Variants in PKHD1 observed in about 807,000 individuals in gnomAD.
PKHD1 encodes the protein fibrocystin.
Under a neutral mutation model 412.0 loss-of-function variants are expected in PKHD1, and 291 were observed. That is an observed-to-expected ratio of 0.71 (90% CI 0.64 to 0.78). The LOEUF (loss-of-function observed/expected upper bound fraction) is 0.78. PKHD1 is among the 30% of genes least tolerant of loss of function. The pLI, the probability that PKHD1 is intolerant of heterozygous loss-of-function variation, is 0.00. For synonymous variants in PKHD1, 1,777 were observed against 1,821.5 expected, an observed-to-expected ratio of 0.98 and a Z score of 0.62; for missense variants, 4,825 against 4,950.7, an observed-to-expected ratio of 0.97 and a Z score of 0.76.
chr6:51,882,251 A>AG lies in PKHD1; in HGVS notation c.7350+841dup, dbSNP rs1016463810. On this transcript the variant is annotated intron_variant, in intron 46 of 66. Coordinates refer to ENST00000371117, the MANE Select transcript of PKHD1 (RefSeq NM_138694.4). ...TCTCTCAAGGTGGTAATCCTTTTAGAGGGAAAAAAAAACTGGCACTTATTT... is the reference window on the plus strand; with the variant it reads ...TCTCTCAAGGTGGTAATCCTTTTAGAGGGGAAAAAAAAACTGGCACTTATTT... Among the ~76,000 whole-genome samples the AG allele has an allele frequency of 2.0e-5, 3 of 152,158 alleles. 1 individual carries two copies. The highest frequency in any genetic ancestry group is 7.2e-5 in the African/African-American group (3 of 41,436).
At chr6:51,954,613 T>C (rs1030169814) in intron 36 of PKHD1, among the ~76,000 whole-genome samples, 2 of 152,118 alleles carry the variant, frequency 1.3e-5, no homozygotes, top group Admixed American at 6.6e-5. Flanking sequence ...TTATTGTATA[T>C]ATTTAAGGCA....
At chr6:51,956,994 G>T (rs1791254580) in intron 36 of PKHD1, among the ~76,000 whole-genome samples, 1 of 152,014 alleles carries the variant, frequency 6.6e-6, no homozygotes, top group African/African-American at 2.4e-5. Flanking sequence ...AAAGGAAATG[G>T]ACCATAAACT....
chr6:51,638,051 T>G (rs1179975350), intron 64 of PKHD1, among the ~76,000 whole-genome samples: 1 of 152,230 alleles, frequency 6.6e-6, no homozygotes, highest in East Asian at 1.9e-4. Context: ...CACTTACTAT[T>G]TATTATTTAT....
intron 60 of PKHD1, among the ~76,000 whole-genome samples, chr6:51,681,168 C>G (rs972390231): frequency 2.0e-5 from 3 of 151,988 alleles, no homozygotes; most frequent in Non-Finnish European, 4.4e-5. Context: ...ACTTTTTCCC[C>G]AAGGCAATTT....
intron 65 of PKHD1, among the ~76,000 whole-genome samples, chr6:51,631,219 C>T (rs770261424): frequency 6.6e-6 from 1 of 152,126 alleles, no homozygotes; most frequent in Non-Finnish European, 1.5e-5. Flanking sequence ...ATTCTACTTA[C>T]AAGCAGACAG....
intron 65 of PKHD1, 123 bp from the exon 66 acceptor site, chr6:51,627,239 T>C (rs1442330356): frequency 1.1e-6 from 1 of 888,200 alleles, no homozygotes; most frequent in African/African-American, 1.7e-5. Context: ...ACAGAAAGCA[T>C]ATAACATATT....
In PKHD1 at chr6:51,759,992, A is replaced by G. The variant is rs530579367; in HGVS notation, c.8643-5054T>C. 5.9e-5 allele frequency among the ~76,000 whole-genome samples: 9 copies of G among 152,098 alleles called. No homozygotes were observed. The South Asian group carries it at 1.5e-3, about 25-fold the overall frequency. ...GTAGTGAATTTGGCAATAGAACCCA[A>G]TAGTTTATTGGACCTCTAACATATG... On this transcript the variant is annotated intron_variant, in intron 55 of 66. Transcript: ENST00000371117.
chr6:51,929,970 A>C (rs903001773), intron 37 of PKHD1, among the ~76,000 whole-genome samples: 2 of 152,216 alleles, frequency 1.3e-5, no homozygotes, highest in Non-Finnish European at 1.5e-5. Flanking sequence ...AAATGAAGTG[A>C]GAGACATTGA....
At position 51,830,835 on chromosome 6, in the gene PKHD1, T is replaced by C. The variant is rs755202265; in HGVS notation, c.8302+26A>G. On this transcript the variant is annotated intron_variant, in intron 52 of 66. Transcript: ENST00000371117. The stretch of plus-strand genomic sequence containing the variant: ...CTGGCTGGGTTCAGCCTGTCTGTGA[T>C]TCATCTCTTGGGTAGTTTTACTCAC... 6 of 1,607,600 alleles carry C rather than the reference T, an allele frequency of 3.7e-6. No homozygotes were observed. The Admixed American group carries it at 1.0e-4, about 27-fold the overall frequency.
At chr6:52,042,733 G>T (rs2128181953) in intron 27 of PKHD1, 126 bp downstream of exon 27, 1 of 843,712 alleles carries the variant, frequency 1.2e-6, no homozygotes, top group Non-Finnish European at 1.9e-6. Context: ...AAATACTTAT[G>T]TCAGTAAACA....
At chr6:51,944,295 T>C (rs1295266872) in intron 36 of PKHD1, among the ~76,000 whole-genome samples, 21 of 151,784 alleles carry the variant, frequency 1.4e-4, no homozygotes. Flanking sequence ...CCAAATCTTA[T>C]AAAACGGCCC....
chr6:51,957,968 A>C (rs1791397424), intron 36 of PKHD1, among the ~76,000 whole-genome samples: 1 of 152,054 alleles, frequency 6.6e-6, no homozygotes, highest in Non-Finnish European at 1.5e-5. Context: ...TGCCAGTATT[A>C]TTCTTCATTT....
chr6:52,042,973 T>G lies in PKHD1; in HGVS notation c.2983A>C (p.Ile995Leu), dbSNP rs1562211864. The G allele has an allele frequency of 6.2e-7, 1 of 1,614,026 alleles. No homozygotes were observed. Residue 995 changes from isoleucine (I) to leucine (L), a missense_variant, in exon 27 of 67, where the codon ATC becomes CTC. Physicochemically the swap from Ile to Leu is conservative, Grantham distance 5. Transcript: ENST00000371117. ...CCAGAGGGTCTCACCAACATCAAGA[T>G]CCGATGCATTCCAACAGGTAGCAAA... is the stretch of plus-strand genomic sequence containing the variant. ...TDLLPVGMHRILMLVRPSGLA... is the reference protein window; with the variant it reads ...TDLLPVGMHRLLMLVRPSGLA...
At chr6:52,022,683 A>T in intron 33 of PKHD1, 118 bp downstream of exon 33, 1 of 998,008 alleles carries the variant, frequency 1.0e-6, no homozygotes, top group Non-Finnish European at 1.5e-6. Flanking sequence ...TTCTTTTCCT[A>T]GGCACACATA....
Position 51,659,583 on chromosome 6 carries a change from T to C in PKHD1, c.10543A>G (p.Ile3515Val). 1 of 1,613,710 alleles carries C rather than the reference T, an allele frequency of 6.2e-7. No homozygotes were observed. Among genetic ancestry groups the C allele is most frequent in the Non-Finnish European group, 8.5e-7 (1 of 1,179,854 alleles). ...SPHVFLGESF[I>V]PPTLVQSASL... is the part of the protein sequence containing the mutation. The stretch of plus-strand genomic sequence containing the variant: ...GCTGACTGAACCAGAGTGGGTGGAA[T>C]AAAACTTTCCCCTAAGAAGACGTGG... Residue 3515 changes from isoleucine (I) to valine (V), a missense_variant, in exon 61 of 67, where the codon ATT becomes GTT. Ile to Val is a conservative substitution (Grantham distance 29). Coordinates refer to ENST00000371117, the MANE Select transcript of PKHD1 (RefSeq NM_138694.4).
At chr6:52,053,323 T>C in intron 20 of PKHD1, 72 bp from the exon 21 acceptor site, 4 of 1,497,636 alleles carry the variant, frequency 2.7e-6, no homozygotes, top group Non-Finnish European at 3.7e-6. Flanking sequence ...GAGCCCTTGT[T>C]CCCAACCTGG....
chr6:51,990,218 G>A (rs1441774393), intron 35 of PKHD1, among the ~76,000 whole-genome samples: 1 of 151,628 alleles, frequency 6.6e-6, no homozygotes, highest in Non-Finnish European at 1.5e-5. Context: ...AAAATCATTG[G>A]GAAGGCACTA....
chr6:51,874,572 T>C (rs759668499), intron 46 of PKHD1, among the ~76,000 whole-genome samples: 64 of 152,220 alleles, frequency 4.2e-4, no homozygotes, highest in Non-Finnish European at 9.0e-4. Flanking sequence ...TCACAGATAA[T>C]TGTATGCCAC....
At position 51,659,529 on chromosome 6, in the gene PKHD1, C is replaced by A. The variant is rs746477291; in HGVS notation, c.10597G>T (p.Ala3533Ser). ...TTATCCATGATGTTGAAATAGTTGGCACCAATAGATTCATTCAGCAATAAG... is the reference window on the plus strand; with the variant it reads ...TTATCCATGATGTTGAAATAGTTGGAACCAATAGATTCATTCAGCAATAAG... ...ASLLLNESIG[A>S]NYFNIMDNLL... The change falls in exon 61 of 67, where the codon GCC (alanine) becomes TCC (serine). Residue 3533 changes from alanine (A) to serine (S), a missense_variant. Transcript: ENST00000371117. 5.6e-6 allele frequency: 9 copies of A among 1,613,560 alleles called. No individual in the cohort carries two copies. Among genetic ancestry groups the A allele is most frequent in the African/African-American group, 1.3e-5 (1 of 74,994 alleles).
Sources: gnomAD v4.1 joint callset for allele counts (sites outside exome capture counted in the v4.1 genomes callset) on GRCh38, gnomAD v4.1.1 for gene constraint, MANE v1.5 for transcripts, NCBI Gene and HGNC (gene_info 2026-07-23, HGNC 2026-07-21) for gene names.